Variants in MTM1 observed in about 807,000 individuals in gnomAD.
The protein encoded by MTM1 is myotubularin 1.
MTM1 carries 9 observed loss-of-function variants against 52.1 expected under a neutral mutation model. That is an observed-to-expected ratio of 0.17 (90% CI 0.10 to 0.30). MTM1 has a LOEUF of 0.30. Among genes scored for constraint, MTM1 ranks in the 10% least tolerant of loss-of-function variants. MTM1 has a pLI of 1.00. For synonymous variants in MTM1, 136 were observed against 163.8 expected (o/e 0.83, Z 1.29); for missense variants, 277 against 470.7 (o/e 0.59, Z 3.81).
At chrX:150,613,711 C>G (rs2039332408) in intron 4 of MTM1, among the ~76,000 whole-genome samples, 1 of 111,895 alleles carries the variant, frequency 8.9e-6, no homozygotes, top group African/African-American at 3.2e-5. Flanking sequence ...TGAGATGATG[C>G]GTGCAAAGCC....
At chrX:150,649,354 TC>T (rs1557414112) in intron 9 of MTM1, among the ~76,000 whole-genome samples, 2 of 112,338 alleles carry the variant, frequency 1.8e-5, no homozygotes, top group Admixed American at 9.4e-5. Context: ...CCTCCCGCCT[TC>T]CCCCTGAAGA....
At chrX:150,587,462 A>G (rs782328608) in intron 1 of MTM1, among the ~76,000 whole-genome samples, 56 of 111,897 alleles carry the variant, frequency 5.0e-4, no homozygotes, top group Non-Finnish European at 7.5e-5. Flanking sequence ...CCCTTGTTCA[A>G]AGGAAAATGT....
intron 8 of MTM1, among the ~76,000 whole-genome samples, chrX:150,642,258 G>A (rs782226590): frequency 4.5e-4 from 50 of 110,682 alleles, no homozygotes; most frequent in Middle Eastern, 9.3e-3. Context: ...TAATTCACTT[G>A]TTATACACTT....
chrX:150,585,351 A>G (rs1432711080), intron 1 of MTM1, among the ~76,000 whole-genome samples: 1 of 111,679 alleles, frequency 9.0e-6, no homozygotes, highest in Non-Finnish European at 1.9e-5. Context: ...AAGAATCTTC[A>G]TCAGTAATGC....
chrX:150,641,711 C>G (rs1359163688), intron 8 of MTM1, among the ~76,000 whole-genome samples: 5 of 111,500 alleles, frequency 4.5e-5, no homozygotes, highest in Non-Finnish European at 9.4e-5. Flanking sequence ...GAAAGACAGG[C>G]TCTTTGTGGC....
chrX:150,647,532 T>A (rs1157782977), intron 9 of MTM1, among the ~76,000 whole-genome samples: 5 of 111,774 alleles, frequency 4.5e-5, no homozygotes, highest in African/African-American at 1.6e-4. Context: ...GTCGCTAATA[T>A]CCATAGCAAC....
chrX:150,649,718 A>G lies in MTM1; in HGVS notation c.870A>G (p.Ala290=). ...RPSVNAVANK[A]TGGGYESDDA... is the part of the protein sequence containing the mutation. ...TTGTATTTCATGTTGTTTCTTAGGC[A>G]ACAGGAGGAGGATATGAAAGTGATG... is the stretch of plus-strand genomic sequence containing the variant. Residue 290 remains alanine (A), a splice_region_variant and synonymous_variant, in exon 10 of 15, where the codon GCA becomes GCG. Transcript: ENST00000370396. The G allele has an allele frequency of 8.3e-7, 1 of 1,206,880 alleles. No homozygotes were observed. Among genetic ancestry groups the G allele is most frequent in the Non-Finnish European group, 1.1e-6 (1 of 891,204 alleles).
At chrX:150,642,176 A>T (rs1390002497) in intron 8 of MTM1, among the ~76,000 whole-genome samples, 4 of 110,774 alleles carry the variant, frequency 3.6e-5, no homozygotes, top group African/African-American at 1.3e-4. Flanking sequence ...AAGTCTAGAC[A>T]TTTTTTTTCC....
chrX:150,567,857 ATTGT>A (rs201835608), upstream of MTM1, among the ~76,000 whole-genome samples: 83 of 112,430 alleles, frequency 7.4e-4, no homozygotes, highest in East Asian at 0.017. Context: ...CCCGGCCCAG[ATTGT>A]TTGTTTTATT....
At chrX:150,615,515 A>G (rs1569565439) in intron 5 of MTM1, among the ~76,000 whole-genome samples, 1 of 110,561 alleles carries the variant, frequency 9.0e-6, no homozygotes, top group Non-Finnish European at 1.9e-5. Context: ...CTTAATTTGA[A>G]GACCTGGGCT....
At chrX:150,583,903 T>TACTAA (rs1557412118) in intron 1 of MTM1, among the ~76,000 whole-genome samples, 11 of 54,570 alleles carry the variant, frequency 2.0e-4, no homozygotes, top group Non-Finnish European at 2.9e-4. Flanking sequence ...ATTTGATATA[T>TACTAA]ATATATATAA....
At chrX:150,658,735 C>T (rs1394560006) in intron 11 of MTM1, among the ~76,000 whole-genome samples, 1 of 112,003 alleles carries the variant, frequency 8.9e-6, no homozygotes, top group Non-Finnish European at 1.9e-5. Flanking sequence ...TGAAGGGGAT[C>T]TGTAGGCTAC....
At chrX:150,629,239 G>T (rs2039623239) in intron 6 of MTM1, among the ~76,000 whole-genome samples, 1 of 111,886 alleles carries the variant, frequency 8.9e-6, no homozygotes, top group Admixed American at 9.4e-5. Context: ...GTGGAGTTGA[G>T]TGTAGACTGA....
At chrX:150,584,699 G>A (rs2038751084) in intron 1 of MTM1, among the ~76,000 whole-genome samples, 1 of 110,981 alleles carries the variant, frequency 9.0e-6, no homozygotes, top group Admixed American at 9.6e-5. Flanking sequence ...TCGTCCCTTG[G>A]TATTTGCGGG....
At chrX:150,574,487 A>G (rs1407632425) in intron 1 of MTM1, among the ~76,000 whole-genome samples, 2 of 112,286 alleles carry the variant, frequency 1.8e-5, no homozygotes, top group African/African-American at 6.5e-5. Context: ...GTCCTTTAAG[A>G]TAGCGCTAGC....
intron 1 of MTM1, among the ~76,000 whole-genome samples, chrX:150,587,849 C>T (rs2065913923): frequency 9.0e-6 from 1 of 111,728 alleles, no homozygotes; most frequent in Admixed American, 9.5e-5. Context: ...TGGTGTAATT[C>T]ATTGAAAAAT....
At position 150,652,636 on chromosome X, in the gene MTM1, CGT is replaced by C. The variant is rs781866918; in HGVS notation, c.1053+2746_1053+2747del. Reference sequence around the variant, plus strand: ...ATATACATATATATACATATATATACGTGTGTGTGTGTATATATATATACACA... The same window carrying C: ...ATATACATATATATACATATATATACGTGTGTGTGTATATATATATACACA... On this transcript the variant is annotated intron_variant, in intron 10 of 14. Coordinates refer to ENST00000370396, the MANE Select transcript of MTM1 (RefSeq NM_000252.3). Among the ~76,000 whole-genome samples, 19 of 75,886 alleles carry C rather than the reference CGT, an allele frequency of 2.5e-4. No homozygotes were observed. In the South Asian group the frequency reaches 2.8e-3, roughly 11 times the overall value. 65.9% of individuals were successfully genotyped at this position (75,886 alleles called of 115,157 possible).
At chrX:150,583,893 ATTTGAT>A (rs1294115907) in intron 1 of MTM1, among the ~76,000 whole-genome samples, 4 of 31,450 alleles carry the variant, frequency 1.3e-4, no homozygotes, top group African/African-American at 2.1e-4. Flanking sequence ...ATATATATAT[ATTTGAT>A]ATATATATAT....
chrX:150,615,070 CTG>C (rs782108302), intron 5 of MTM1, among the ~76,000 whole-genome samples: 8 of 111,889 alleles, frequency 7.1e-5, no homozygotes, highest in African/African-American at 2.3e-4. Context: ...ATTTTGCCCT[CTG>C]TTAACGGGAT....
Sources: allele counts gnomAD v4.1 joint callset (sites outside exome capture counted in the v4.1 genomes callset), GRCh38; gene constraint gnomAD v4.1.1; transcripts MANE v1.5; gene names NCBI Gene and HGNC (gene_info 2026-07-23, HGNC 2026-07-21).